ARHGEF10: variants seen among roughly 807,000 people sequenced by gnomAD.
ARHGEF10 encodes Rho guanine nucleotide exchange factor 10.
A neutral mutation model predicts 147.4 loss-of-function variants in ARHGEF10; 140 were observed. The ratio of observed to expected loss-of-function variants is 0.95; its 90% CI spans 0.83 to 1.09. The LOEUF is 1.09. Ranked by LOEUF, ARHGEF10 falls within the 50% of genes least tolerant of loss-of-function variation. The pLI is 0.00. For synonymous variants in ARHGEF10, 902 were observed against 695.8 expected (o/e 1.30, Z -4.67); for missense variants, 2,222 against 1,752.7 (o/e 1.27, Z -4.78).
chr8:1,884,964 T>C (rs1808530048), intron 10 of ARHGEF10, among the ~76,000 whole-genome samples: 1 of 152,176 alleles, frequency 6.6e-6, no homozygotes, highest in South Asian at 2.1e-4. Context: ...GGAGTCTTGC[T>C]ATGTTGCCCA....
chr8:1,893,389 A>G (rs1396711704), intron 11 of ARHGEF10, among the ~76,000 whole-genome samples, 180 bp from the exon 12 acceptor site: 1 of 152,212 alleles, frequency 6.6e-6, no homozygotes, highest in Non-Finnish European at 1.5e-5. Context: ...ACATTATATA[A>G]TTGTATTAAT....
Position 1,957,262 on chromosome 8 carries a change from A to G in ARHGEF10, c.4034A>G (p.Ter1345=). 2.5e-6 allele frequency: 4 copies of G among 1,608,858 alleles called. No individual in the cohort carries two copies. Among genetic ancestry groups the G allele is most frequent in the Non-Finnish European group, 3.4e-6 (4 of 1,179,250 alleles). ...TGGCAGATCCCTCTGCTGAATATAT[A>G]AGCAGGACGGCCGCCTTCTGCTGTC... is the stretch of plus-strand genomic sequence containing the variant. The part of the protein sequence containing the change: ...MVWQIPLLNI[*] Residue 1345 remains the stop codon, a stop_retained_variant, in exon 29 of 29, where the codon TAA becomes TGA. Transcript: ENST00000349830.
At chr8:1,930,203 G>A (rs1179303215) in intron 25 of ARHGEF10, among the ~76,000 whole-genome samples, 2 of 152,112 alleles carry the variant, frequency 1.3e-5, no homozygotes, top group East Asian at 3.9e-4. Flanking sequence ...CCATCCTGGA[G>A]TGGAACACGC....
chr8:1,905,749 C>G (rs1810842045), intron 17 of ARHGEF10, 33 bp downstream of exon 17: 1 of 1,609,994 alleles, frequency 6.2e-7, no homozygotes, highest in African/African-American at 1.3e-5. Flanking sequence ...GTAGTCCTAC[C>G]ATCATCACAT....
At position 1,928,635 on chromosome 8, in the gene ARHGEF10, G is replaced by A; in HGVS notation, c.2906G>A (p.Gly969Glu). The A allele has an allele frequency of 1.2e-6, 2 of 1,614,166 alleles. No individual in the cohort carries two copies. Among genetic ancestry groups the A allele is most frequent in the Non-Finnish European group, 1.7e-6 (2 of 1,180,036 alleles). The change falls in exon 24 of 29, where the codon GGG becomes GAG. Residue 969 changes from glycine to glutamate, a missense_variant. Transcript: ENST00000349830. ...RASDVPTICV[G>E]TEEGSISIYK... is the part of the protein sequence containing the mutation. The stretch of plus-strand genomic sequence containing the variant: ...TCTGATGTCCCCACGATCTGTGTAG[G>A]GACGGAGGAGGGAAGGTAGGGCATG...
rs1301019207 is a variant in ARHGEF10, at chr8:1,888,164, G to A, written c.1182+2457G>A. On this transcript the variant is annotated intron_variant, in intron 11 of 28. Transcript: ENST00000349830. Reference sequence around the variant, plus strand: ...AGACACTTAGTGGGGCGAGGGTTGCGAGGAGACAGTGAGTGGGGTGAGGGT... The same window carrying A: ...AGACACTTAGTGGGGCGAGGGTTGCAAGGAGACAGTGAGTGGGGTGAGGGT... Among the ~76,000 whole-genome samples, 5 of 78,692 alleles carry A rather than the reference G, an allele frequency of 6.4e-5. 1 individual carries two copies. The highest frequency in any genetic ancestry group is 3.2e-4 in the African/African-American group (5 of 15,654). 51.6% of individuals were successfully genotyped at this position (78,692 alleles called of 152,430 possible). A position where few individuals can be genotyped will look rare whatever the true frequency, so the allele number is the denominator to read the frequency against.
At chr8:1,826,232 T>A in intron 1 of ARHGEF10, 2 of 1,169,304 alleles carry the variant, frequency 1.7e-6, no homozygotes, top group Non-Finnish European at 2.5e-6. Context: ...AATAGCTTTT[T>A]ATGTTTTTAA....
chr8:1,871,272 A>G (rs1255316789), intron 7 of ARHGEF10: 4 of 152,132 alleles, frequency 2.6e-5, no homozygotes, highest in South Asian at 4.1e-4. Flanking sequence ...ACTATATAGT[A>G]TGCCTCAAAA....
At chr8:1,890,157 CACTGAGTGGGGTGAGGGTTT>C (rs1809354575) in intron 11 of ARHGEF10, among the ~76,000 whole-genome samples, 1 of 38,848 alleles carries the variant, frequency 2.6e-5, no homozygotes, top group African/African-American at 1.1e-4. Context: ...TGTGAGGAGA[CACTGAGTGGGGTGAGGGTTT>C]GTGAGGAGAC....
chr8:1,908,184 A>G (rs140438576), intron 17 of ARHGEF10, among the ~76,000 whole-genome samples: 430 of 151,096 alleles, frequency 2.8e-3, no homozygotes, highest in African/African-American at 8.8e-3. Flanking sequence ...GCTCAGTCCA[A>G]TGCATAGCAC....
intron 11 of ARHGEF10, among the ~76,000 whole-genome samples, chr8:1,890,167 G>C (rs1809358604): frequency 1.4e-5 from 2 of 141,600 alleles, no homozygotes; most frequent in African/African-American, 5.6e-5. Flanking sequence ...CACTGAGTGG[G>C]GTGAGGGTTT....
At position 1,840,656 on chromosome 8, in the gene ARHGEF10, G is replaced by A. The variant is rs1803962500; in HGVS notation, c.-47-2697G>A. Among the ~76,000 whole-genome samples the A allele has an allele frequency of 3.9e-5, 6 of 151,942 alleles. No individual in the cohort carries two copies. In the South Asian group the frequency reaches 1.2e-3, roughly 32 times the overall value. ...GGACTGTCCGACGTGGGGACTGTCC[G>A]GTGTGGGGACTGTCCATTGTTTGCT... On this transcript the variant is annotated intron_variant, in intron 1 of 28. Transcript: ENST00000349830.
Position 1,859,929 on chromosome 8 carries a change from C to G in ARHGEF10, c.226C>G (p.Pro76Ala). ...GGATGGAGCTGGAGCAGAAACCACC[C>G]CAGTGGCAGAGCCTACTAAGCTGGT... ...GEDGAGAETTPVAEPTKLVLP... is the reference protein window; with the variant it reads ...GEDGAGAETTAVAEPTKLVLP... The change falls in exon 4 of 29, where the codon CCA becomes GCA. Residue 76 changes from proline to alanine, a missense_variant. Transcript: ENST00000349830. 6.2e-7 allele frequency: 1 copy of G among 1,614,166 alleles called. No individual in the cohort carries two copies. Among genetic ancestry groups the G allele is most frequent in the Non-Finnish European group, 8.5e-7 (1 of 1,180,022 alleles).
intron 1 of ARHGEF10, among the ~76,000 whole-genome samples, chr8:1,834,070 A>G (rs1359629706): frequency 1.3e-5 from 2 of 152,184 alleles, no homozygotes; most frequent in African/African-American, 4.8e-5. Context: ...TGGGGCACGC[A>G]GCTGTCTGGA....
At chr8:1,903,963 C>G (rs1234186326) in intron 16 of ARHGEF10, 1 of 205,052 alleles carries the variant, frequency 4.9e-6, no homozygotes, top group African/African-American at 2.4e-5. Context: ...GGCACAGTGG[C>G]ATGCACCTAT....
chr8:1,865,691 C>T (rs565302689), intron 5 of ARHGEF10, among the ~76,000 whole-genome samples: 6 of 150,714 alleles, frequency 4.0e-5, no homozygotes, highest in East Asian at 2.0e-4. Context: ...AAGTCGTCAT[C>T]GTGGGGTGCT....
chr8:1,890,275 T>C (rs796328079), intron 11 of ARHGEF10, among the ~76,000 whole-genome samples: 18 of 122,942 alleles, frequency 1.5e-4, no homozygotes, highest in African/African-American at 4.0e-4. Flanking sequence ...TGAGGAGACA[T>C]TGAGTGGGGT....
At chr8:1,851,525 CTT>C (rs1805150378) in intron 2 of ARHGEF10, among the ~76,000 whole-genome samples, 1 of 149,892 alleles carries the variant, frequency 6.7e-6, no homozygotes, top group South Asian at 2.1e-4. Context: ...GGGAGGCTCT[CTT>C]TGGGGGTGGG....
chr8:1,943,375 G>T (rs1158556667), intron 26 of ARHGEF10, among the ~76,000 whole-genome samples: 1 of 152,186 alleles, frequency 6.6e-6, no homozygotes, highest in African/African-American at 2.4e-5. Context: ...GATTCAGGGA[G>T]CTCTGCAGGT....
Sources: allele counts gnomAD v4.1 joint callset (sites outside exome capture counted in the v4.1 genomes callset), GRCh38; gene constraint gnomAD v4.1.1; transcripts MANE v1.5; gene names NCBI Gene and HGNC (gene_info 2026-07-23, HGNC 2026-07-21).